The following SMYD3 variants were observed in gnomAD, a reference collection of about 807,000 sequenced individuals.
SMYD3 encodes the protein SET and MYND domain containing 3, also known as histone-lysine N-methyltransferase SMYD3.
A neutral mutation model predicts 57.7 loss-of-function variants in SMYD3; 36 were observed. That is an observed-to-expected ratio of 0.62 (90% CI 0.48 to 0.82). The LOEUF is 0.82. Among genes scored for constraint, SMYD3 ranks in the 40% least tolerant of loss-of-function variants. SMYD3 has a pLI of 0.00. For missense variants in SMYD3, 515 were observed against 538.8 expected, an observed-to-expected ratio of 0.96 and a Z score of 0.44; for synonymous variants, 211 against 195.0, an observed-to-expected ratio of 1.08 and a Z score of -0.68.
Position 246,481,607 on chromosome 1 carries a change from T to TATATATATATATATATATATAC in SMYD3, c.164+25446_164+25447insGTATATATATATATATATATAT, listed in dbSNP as rs1156393004. Among the ~76,000 whole-genome samples, 55 of 61,950 alleles carry TATATATATATATATATATATAC rather than the reference T, an allele frequency of 8.9e-4. 8 individuals are homozygous for TATATATATATATATATATATAC. The highest frequency in any genetic ancestry group is 4.3e-3 in the South Asian group (8 of 1,858). The allele number at this position is 61,950 out of a possible 152,430, so 40.6% of individuals were successfully genotyped here. A position where few individuals can be genotyped will look rare whatever the true frequency, so the allele number is the denominator to read the frequency against. ...TTCTCAGGCTCCATATATATATATA[T>TATATATATATATATATATATAC]ACACATACATATATACATACATACA... On this transcript the variant is annotated intron_variant, in intron 1 of 11. Transcript: ENST00000490107.
chr1:245,937,580 T>C (rs890805172), intron 5 of SMYD3, among the ~76,000 whole-genome samples: 2 of 152,230 alleles, frequency 1.3e-5, no homozygotes, highest in Non-Finnish European at 2.9e-5. Context: ...TTTCATTTTC[T>C]TCCCATATCC....
chr1:245,929,711 A>C (rs2056603960), intron 6 of SMYD3, among the ~76,000 whole-genome samples, 159 bp downstream of exon 6: 1 of 152,200 alleles, frequency 6.6e-6, no homozygotes, highest in Admixed American at 6.5e-5. Context: ...GTTTTCTTTC[A>C]ACTTAACATT....
At chr1:246,475,362 G>T (rs1040092178) in intron 1 of SMYD3, among the ~76,000 whole-genome samples, 2 of 151,072 alleles carry the variant, frequency 1.3e-5, no homozygotes, top group Admixed American at 6.6e-5. Flanking sequence ...GTACTTTTTG[G>T]CCGGCAGCCA....
At chr1:246,042,529 C>G (rs991005887) in intron 5 of SMYD3, among the ~76,000 whole-genome samples, 5 of 152,166 alleles carry the variant, frequency 3.3e-5, no homozygotes, top group African/African-American at 1.2e-4. Context: ...TCAATTACCT[C>G]TCTCCATGTA....
At chr1:246,339,315 G>A (rs1282595307) in intron 2 of SMYD3, among the ~76,000 whole-genome samples, 1 of 151,932 alleles carries the variant, frequency 6.6e-6, no homozygotes, top group African/African-American at 2.4e-5. Context: ...TAATACCTCA[G>A]CATTTATATA....
At chr1:246,374,818 C>T (rs116627898) in intron 1 of SMYD3, among the ~76,000 whole-genome samples, 1,937 of 151,402 alleles carry the variant, frequency 0.013, 29 homozygotes, top group Non-Finnish European at 0.019. Context: ...ACTGGCCAGG[C>T]GCCGTGGCTC....
chr1:246,424,142 C>CGT (rs1280628289), intron 1 of SMYD3, among the ~76,000 whole-genome samples: 6 of 151,866 alleles, frequency 4.0e-5, no homozygotes, highest in Admixed American at 3.9e-4. Flanking sequence ...AACAATGTAC[C>CGT]GTGGGGTTTA....
chr1:246,259,096 TC>T (rs1216036484), intron 5 of SMYD3, among the ~76,000 whole-genome samples: 1 of 152,210 alleles, frequency 6.6e-6, no homozygotes, highest in Non-Finnish European at 1.5e-5. Context: ...ATTTATCTCT[TC>T]CTTCATTCCC....
In SMYD3 at chr1:246,368,813, T is replaced by C. The variant is rs573074260; in HGVS notation, c.165-13719A>G. Among the ~76,000 whole-genome samples the C allele has an allele frequency of 4.6e-5, 7 of 152,328 alleles. No homozygotes were observed. In the South Asian group the frequency reaches 1.2e-3, roughly 27 times the overall value. On this transcript the variant is annotated intron_variant, in intron 1 of 11. Coordinates refer to ENST00000490107, the MANE Select transcript of SMYD3 (RefSeq NM_001167740.2). ...TCTCCCGACCTACACCTTTCTCCCA[T>C]GCTGGATGCTTCCTGCCCTCAAACA...
intron 5 of SMYD3, among the ~76,000 whole-genome samples, chr1:246,247,138 G>A (rs973628206): frequency 6.6e-6 from 1 of 151,996 alleles, no homozygotes; most frequent in African/African-American, 2.4e-5. Flanking sequence ...CAGCTGTGTT[G>A]TATGACTCTG....
intron 5 of SMYD3, among the ~76,000 whole-genome samples, chr1:246,174,272 G>T (rs2062395496): frequency 6.6e-6 from 1 of 152,146 alleles, no homozygotes; most frequent in Admixed American, 6.5e-5. Context: ...CAGTACCGTA[G>T]GGTTTTTAAT....
intron 1 of SMYD3, among the ~76,000 whole-genome samples, chr1:246,425,376 GT>G (rs1276394892): frequency 6.6e-6 from 1 of 152,142 alleles, no homozygotes; most frequent in African/African-American, 2.4e-5. Flanking sequence ...AGTTTGGTCT[GT>G]AACTGGAGTA....
At chr1:246,007,569 G>T (rs959700002) in intron 5 of SMYD3, among the ~76,000 whole-genome samples, 1 of 152,072 alleles carries the variant, frequency 6.6e-6, no homozygotes, top group African/African-American at 2.4e-5. Context: ...CAGTATTTCG[G>T]GAGGTCTATG....
chr1:246,248,645 T>TTTTTTTG (rs2063748664), intron 5 of SMYD3, among the ~76,000 whole-genome samples: 1 of 132,272 alleles, frequency 7.6e-6, no homozygotes, highest in East Asian at 2.4e-4. Flanking sequence ...CCTTTTTTTT[T>TTTTTTTG]TTTTTTTTTT....
At chr1:246,145,689 G>A (rs1353631784) in intron 5 of SMYD3, among the ~76,000 whole-genome samples, 1 of 152,058 alleles carries the variant, frequency 6.6e-6, no homozygotes, top group South Asian at 2.1e-4. Flanking sequence ...TTGACTTTCC[G>A]ACCTGAGAAA....
chr1:246,496,030 T>TTTG (rs554577009), intron 1 of SMYD3, among the ~76,000 whole-genome samples: 26 of 151,970 alleles, frequency 1.7e-4, no homozygotes, highest in Non-Finnish European at 2.4e-4. Flanking sequence ...TTCTTGATTT[T>TTTG]TTGTTGTTGT....
chr1:245,826,327 T>C lies in SMYD3; in HGVS notation c.1076+32169A>G, dbSNP rs528456860. Among the ~76,000 whole-genome samples the C allele has an allele frequency of 7.9e-5, 12 of 152,238 alleles. No individual in the cohort carries two copies. The South Asian group carries it at 2.3e-3, about 29-fold the overall frequency. ...GTGGCTGACTTCACTTAGCGTAGTG[T>C]CTGCAAGCTTCATCCATGTTGTAGC... On this transcript the variant is annotated intron_variant, in intron 10 of 11. Coordinates refer to ENST00000490107, the MANE Select transcript of SMYD3 (RefSeq NM_001167740.2).
chr1:246,402,028 A>G (rs2102969739), intron 1 of SMYD3, among the ~76,000 whole-genome samples: 1 of 152,310 alleles, frequency 6.6e-6, no homozygotes, highest in Non-Finnish European at 1.5e-5. Context: ...GGCCTCAAAT[A>G]CTATTTTAAG....
At chr1:245,887,837 T>C (rs992232867) in intron 8 of SMYD3, among the ~76,000 whole-genome samples, 25 of 151,908 alleles carry the variant, frequency 1.6e-4, no homozygotes, top group African/African-American at 5.6e-4. Flanking sequence ...ATGTCTCACA[T>C]CATGAAATAC....
Sources: allele counts gnomAD v4.1 joint callset (sites outside exome capture counted in the v4.1 genomes callset), GRCh38; gene constraint gnomAD v4.1.1; transcripts MANE v1.5; gene names NCBI Gene and HGNC (gene_info 2026-07-23, HGNC 2026-07-21).